The following DNAH14 variants were observed in gnomAD, a reference collection of about 807,000 sequenced individuals.
The protein encoded by DNAH14 is axonemal beta dynein heavy chain 14.
DNAH14 carries 478 observed loss-of-function variants against 520.9 expected under a neutral mutation model. The observed-to-expected ratio is 0.92, with a 90% confidence interval of 0.85 to 0.99. The LOEUF (loss-of-function observed/expected upper bound fraction) is 0.99, where lower values mean the gene tolerates loss of function less well. DNAH14 is among the 50% of genes least tolerant of loss of function. The probability of loss-of-function intolerance (pLI) is 0.00; values close to 1 mark genes in which losing one functional copy is unlikely to be tolerated. For synonymous variants in DNAH14, 1,581 were observed against 1,757.2 expected (o/e 0.90, Z 2.51); for missense variants, 4,831 against 5,234.5 (o/e 0.92, Z 2.38).
intron 64 of DNAH14, among the ~76,000 whole-genome samples, chr1:225,327,005 A>G (rs140009588): frequency 1.8e-4 from 27 of 152,308 alleles, no homozygotes; most frequent in African/African-American, 6.5e-4. Context: ...CCACCCCGCA[A>G]CAACACAATA....
At chr1:225,039,608 G>T (rs2067266735) in intron 12 of DNAH14, among the ~76,000 whole-genome samples, 1 of 149,916 alleles carries the variant, frequency 6.7e-6, no homozygotes. Flanking sequence ...ATCTTTTCTT[G>T]CCAGAATTGT....
At chr1:225,237,938 T>C (rs982966133) in intron 42 of DNAH14, among the ~76,000 whole-genome samples, 1 of 152,208 alleles carries the variant, frequency 6.6e-6, no homozygotes, top group Non-Finnish European at 1.5e-5. Context: ...ATTGAGAAAT[T>C]CTAGTATTGT....
intron 11 of DNAH14, among the ~76,000 whole-genome samples, chr1:225,027,711 T>G (rs1205319963): frequency 1.3e-5 from 2 of 152,044 alleles, no homozygotes; most frequent in African/African-American, 4.8e-5. Context: ...AGGAAATCTT[T>G]CCCCTTAATC....
intron 43 of DNAH14, chr1:225,250,627 G>C (rs919681444): frequency 1.0e-5 from 5 of 502,028 alleles, no homozygotes; most frequent in Non-Finnish European, 1.1e-5. Context: ...TTCCTGAAGA[G>C]AAAGAACATG....
At chr1:225,335,117 ACATGTGTACATATGTG>A (rs2094898469) in intron 66 of DNAH14, among the ~76,000 whole-genome samples, 1 of 147,460 alleles carries the variant, frequency 6.8e-6, no homozygotes, top group South Asian at 2.1e-4. Context: ...ATACATATAT[ACATGTGTACATATGTG>A]CATGTGCACA....
rs529789699 is a variant in DNAH14, at chr1:225,066,958, T to G, written c.2425-12249T>G. Among the ~76,000 whole-genome samples the G allele has an allele frequency of 2.2e-4, 34 of 152,252 alleles. No homozygotes were observed. In the South Asian group the frequency reaches 7.0e-3, roughly 32 times the overall value. ...ATTGTAAAATGTGCTGCTATAAACG[T>G]GTGTACATGTGTCTTTTTTTACTTT... is the stretch of plus-strand genomic sequence containing the variant. On this transcript the variant is annotated intron_variant, in intron 17 of 85. Transcript: ENST00000682510.
intron 79 of DNAH14, among the ~76,000 whole-genome samples, chr1:225,377,758 T>C (rs548397987): frequency 5.3e-5 from 8 of 152,274 alleles, no homozygotes; most frequent in African/African-American, 1.9e-4. Context: ...GAGTTCCTTA[T>C]GTATTTAAGT....
At chr1:225,241,190 C>A (rs1455348999) in intron 43 of DNAH14, among the ~76,000 whole-genome samples, 2 of 151,734 alleles carry the variant, frequency 1.3e-5, no homozygotes, top group Admixed American at 6.6e-5. Flanking sequence ...TTAAAAAAAT[C>A]CAAATTATTT....
rs76375603 is a variant in DNAH14 at position 225,377,364 on chromosome 1, C to T, written c.12644C>T (p.Thr4215Ile). The change falls in exon 79 of 86, where the codon ACC becomes ATC. Residue 4215 changes from threonine (T) to isoleucine (I), a missense_variant. Physicochemically the swap from Thr to Ile is moderately conservative, Grantham distance 89 (BLOSUM62 -1). Transcript: ENST00000682510. ...GAGGCCATCAGGAGCTGCTGGGAGA[C>T]CCAGGGCGAAAAGTTTATTGAAAAT... Reference protein sequence around the residue: ...HPEAIRSCWETQGEKFIENLI... With the variant: ...HPEAIRSCWEIQGEKFIENLI... 12 of 1,551,036 alleles carry T rather than the reference C, an allele frequency of 7.7e-6. No individual in the cohort carries two copies. Among genetic ancestry groups the T allele is most frequent in the Non-Finnish European group, 1.0e-5 (12 of 1,146,766 alleles).
chr1:225,105,251 C>T (rs1041676070), intron 23 of DNAH14, among the ~76,000 whole-genome samples: 33 of 152,150 alleles, frequency 2.2e-4, no homozygotes, highest in African/African-American at 7.5e-4. Flanking sequence ...GTCTGAGAGA[C>T]AGTTTGTTAT....
intron 21 of DNAH14, among the ~76,000 whole-genome samples, chr1:225,092,054 G>A (rs1394252179): frequency 6.6e-6 from 1 of 152,002 alleles, no homozygotes; most frequent in East Asian, 1.9e-4. Context: ...CCCAACACAG[G>A]AGCACCCAGA....
At chr1:225,230,132 G>A (rs1405567756) in intron 41 of DNAH14, among the ~76,000 whole-genome samples, 1 of 152,028 alleles carries the variant, frequency 6.6e-6, no homozygotes, top group Non-Finnish European at 1.5e-5. Context: ...AATCAGAGAA[G>A]CATAGAAAGA....
intron 36 of DNAH14, among the ~76,000 whole-genome samples, chr1:225,173,652 A>G (rs933802990): frequency 6.6e-5 from 10 of 152,180 alleles, no homozygotes; most frequent in African/African-American, 1.9e-4. Context: ...ACACTTTTAC[A>G]CTGTTGGTGG....
At chr1:225,069,538 A>C (rs975450208) in intron 17 of DNAH14, among the ~76,000 whole-genome samples, 1 of 152,112 alleles carries the variant, frequency 6.6e-6, no homozygotes, top group African/African-American at 2.4e-5. Flanking sequence ...CCAACTTTGC[A>C]TCTTGGGGAT....
intron 41 of DNAH14, among the ~76,000 whole-genome samples, chr1:225,216,200 C>T (rs1444595461): frequency 6.6e-6 from 1 of 151,894 alleles, no homozygotes; most frequent in Non-Finnish European, 1.5e-5. Flanking sequence ...AAATTCTTTC[C>T]TTTAAGAATG....
chr1:225,310,251 AAGCCAGATACAT>A (rs2094336143), intron 60 of DNAH14, among the ~76,000 whole-genome samples: 1 of 151,986 alleles, frequency 6.6e-6, no homozygotes, highest in Non-Finnish European at 1.5e-5. Flanking sequence ...CTTCAGCACA[AAGCCAGATACAT>A]TAGGGCCTGG....
At chr1:225,165,996 G>T (rs543884979) in intron 35 of DNAH14, among the ~76,000 whole-genome samples, 9 of 151,890 alleles carry the variant, frequency 5.9e-5, no homozygotes, top group Non-Finnish European at 8.8e-5. Flanking sequence ...CCCATATTTT[G>T]AAGATTTTGA....
intron 17 of DNAH14, among the ~76,000 whole-genome samples, chr1:225,061,289 C>T (rs2070056899): frequency 6.6e-6 from 1 of 152,252 alleles, no homozygotes; most frequent in Non-Finnish European, 1.5e-5. Flanking sequence ...GAGCGTGGCT[C>T]CGTGGGCGTA....
At chr1:225,227,284 C>T (rs973046313) in intron 41 of DNAH14, among the ~76,000 whole-genome samples, 3 of 150,172 alleles carry the variant, frequency 2.0e-5, no homozygotes, top group Non-Finnish European at 4.5e-5. Context: ...GGCAGAGGTC[C>T]CTGTGGCCTT....
Sources: allele counts gnomAD v4.1 joint callset (sites outside exome capture counted in the v4.1 genomes callset), GRCh38; gene constraint gnomAD v4.1.1; transcripts MANE v1.5; gene names NCBI Gene and HGNC (gene_info 2026-07-23, HGNC 2026-07-21).